Variants in ICMT observed in about 807,000 individuals in gnomAD.
ICMT encodes isoprenylcysteine carboxyl methyltransferase, also known as protein-S-isoprenylcysteine O-methyltransferase.
ICMT carries 10 observed loss-of-function variants against 32.2 expected under a neutral mutation model. The ratio of observed to expected loss-of-function variants is 0.31; its 90% CI spans 0.19 to 0.53. The LOEUF (loss-of-function observed/expected upper bound fraction) is 0.53. Ranked by LOEUF, ICMT falls within the 20% of genes least tolerant of loss-of-function variation. ICMT has a pLI of 0.96. For missense variants in ICMT, 265 were observed against 356.9 expected (o/e 0.74, Z 2.07); for synonymous variants, 183 against 158.2 (o/e 1.16, Z -1.18).
chr1:6,231,271 C>T (rs1331744028), intron 4 of ICMT, among the ~76,000 whole-genome samples: 1 of 152,126 alleles, frequency 6.6e-6, no homozygotes, highest in African/African-American at 2.4e-5. Flanking sequence ...CTCACTAACA[C>T]ATGGCCTCGG....
chr1:6,235,798 C>A lies in ICMT; in HGVS notation c.114G>T (p.Leu38=), dbSNP rs1201475036. The A allele has an allele frequency of 2.3e-6, 3 of 1,326,568 alleles. No homozygotes were observed. Among genetic ancestry groups the A allele is most frequent in the African/African-American group, 1.6e-5 (1 of 64,466 alleles). The allele number at this position is 1,326,568 out of a possible 1,614,324, so 82.2% of individuals were successfully genotyped here. The part of the protein sequence containing the change: ...LALPLLTRAG[L]QGRTGLALYV... ...AGAGCGCCAGCCCGGTGCGGCCCTGCAGGCCGGCGCGCGTGAGCAGCGGCA... is the reference window on the plus strand; with the variant it reads ...AGAGCGCCAGCCCGGTGCGGCCCTGAAGGCCGGCGCGCGTGAGCAGCGGCA... Residue 38 remains leucine (L), a synonymous_variant, in exon 1 of 5, where the codon CTG becomes CTT. Transcript: ENST00000343813.
chr1:6,229,709 T>C (rs1001309922), intron 4 of ICMT, among the ~76,000 whole-genome samples: 26 of 151,170 alleles, frequency 1.7e-4, no homozygotes, highest in Non-Finnish European at 3.5e-4. Context: ...ACCATGATCA[T>C]GCCAATGCAC....
chr1:6,228,120 C>T (rs896513014), intron 4 of ICMT, among the ~76,000 whole-genome samples: 1 of 152,144 alleles, frequency 6.6e-6, no homozygotes, highest in Non-Finnish European at 1.5e-5. Context: ...GGCAACACAG[C>T]GAGATCTCAT....
At chr1:6,228,558 G>A (rs973586142) in intron 4 of ICMT, among the ~76,000 whole-genome samples, 2 of 151,830 alleles carry the variant, frequency 1.3e-5, no homozygotes, top group African/African-American at 4.8e-5. Flanking sequence ...TAGCCAGGAT[G>A]GTCTTGATCT....
intron 3 of ICMT, 52 bp downstream of exon 3, chr1:6,233,422 T>G: frequency 6.5e-7 from 1 of 1,543,450 alleles, no homozygotes; most frequent in Non-Finnish European, 8.8e-7. Context: ...GTCCTCAGCC[T>G]GAATGGGAGC....
rs982118287 is a variant in ICMT at position 6,233,767 on chromosome 1, G to A, written c.285-124C>T. On this transcript the variant is annotated intron_variant, in intron 2 of 4. Transcript: ENST00000343813. ...CCCTGTTCTCACCTGTCTGAGAGTG[G>A]ACACAGGTACCCATCTGCAGCATCT... 6 of 718,294 alleles carry A rather than the reference G, an allele frequency of 8.4e-6. No homozygotes were observed. In the African/African-American group the frequency reaches 9.0e-5, roughly 11 times the overall value. The allele number at this position is 718,294 out of a possible 1,614,324, so 44.5% of individuals were successfully genotyped here. A position where few individuals can be genotyped will look rare whatever the true frequency, so the allele number is the denominator to read the frequency against.
chr1:6,230,899 A>T (rs1668725034), intron 4 of ICMT, among the ~76,000 whole-genome samples: 1 of 148,542 alleles, frequency 6.7e-6, no homozygotes, highest in African/African-American at 2.6e-5. Context: ...TCCATCTCAA[A>T]AAGGAAAAAA....
rs531650727 is a variant in ICMT at position 6,226,499 on chromosome 1, C to G, written c.673-1237G>C. On this transcript the variant is annotated intron_variant, in intron 4 of 4. Coordinates refer to ENST00000343813, the MANE Select transcript of ICMT (RefSeq NM_012405.4). ...GGAACCACTCACCTACACCTGCCCA[C>G]TGGTCCCCTGTGGATGTGCATCTTC... is the stretch of plus-strand genomic sequence containing the variant. 3.9e-5 allele frequency among the ~76,000 whole-genome samples: 6 copies of G among 152,346 alleles called. No homozygotes were observed. The East Asian group carries it at 1.2e-3, about 29-fold the overall frequency.
chr1:6,233,339 A>T (rs780638225), intron 3 of ICMT, 135 bp downstream of exon 3: 13 of 741,900 alleles, frequency 1.8e-5, no homozygotes, highest in Non-Finnish European at 2.7e-5. Context: ...CTTTATAAAT[A>T]GCTTAGTGAG....
chr1:6,225,178 T>TTTC lies in ICMT; in HGVS notation c.754_756dup (p.Glu252dup). 1 of 1,614,146 alleles carries TTTC rather than the reference T, an allele frequency of 6.2e-7. No homozygotes were observed. The highest frequency in any genetic ancestry group is 8.5e-7 in the Non-Finnish European group (1 of 1,180,020). ...TCTCCAAAAAAGTGAATTAGTGAGA[T>TTTC]TTCTTCTTCTTCTGTTCGATCGCGG... On this transcript the variant is annotated inframe_insertion, in exon 5 of 5. Coordinates refer to ENST00000343813, the MANE Select transcript of ICMT (RefSeq NM_012405.4).
At chr1:6,228,443 C>T (rs1440722862) in intron 4 of ICMT, among the ~76,000 whole-genome samples, 1 of 150,932 alleles carries the variant, frequency 6.6e-6, no homozygotes, top group Non-Finnish European at 1.5e-5. Flanking sequence ...CCCGGGTTCA[C>T]GCCATTCTCC....
intron 4 of ICMT, among the ~76,000 whole-genome samples, chr1:6,226,017 G>C (rs1286728258): frequency 6.6e-6 from 1 of 152,054 alleles, no homozygotes; most frequent in Non-Finnish European, 1.5e-5. Flanking sequence ...ACCACACCCA[G>C]CTAATTTTTG....
intron 3 of ICMT, 61 bp from the exon 4 acceptor site, chr1:6,232,180 C>T: frequency 7.4e-6 from 9 of 1,221,372 alleles, no homozygotes; most frequent in South Asian, 1.3e-5. Flanking sequence ...AGCTCCCCTT[C>T]GCACTGCTTA....
intron 2 of ICMT, chr1:6,234,393 A>G (rs1017356096): frequency 2.3e-6 from 1 of 436,030 alleles, no homozygotes; most frequent in Non-Finnish European, 4.5e-6. Context: ...AAGAGGAGAT[A>G]AAACTTTTTA....
At position 6,235,737 on chromosome 1, in the gene ICMT, A is replaced by G; in HGVS notation, c.175T>C (p.Tyr59His). 2 of 1,312,542 alleles carry G rather than the reference A, an allele frequency of 1.5e-6. No individual in the cohort carries two copies. The highest frequency in any genetic ancestry group is 2.0e-6 in the Non-Finnish European group (2 of 1,021,376). The allele number at this position is 1,312,542 out of a possible 1,614,324, so 81.3% of individuals were successfully genotyped here. The change falls in exon 1 of 5, where the codon TAT (tyrosine) becomes CAT (histidine). Residue 59 changes from tyrosine to histidine, a missense_variant. Coordinates refer to ENST00000343813, the MANE Select transcript of ICMT (RefSeq NM_012405.4). Reference sequence around the variant, plus strand: ...TGCACCTGGTAGCGAGGCGGCCGATAGAGCAGCAGCAGCAGCGCGTTGAGC... The same window carrying G: ...TGCACCTGGTAGCGAGGCGGCCGATGGAGCAGCAGCAGCAGCGCGTTGAGC... ...AGLNALLLLLYRPPRYQIAIR... is the reference protein window; with the variant it reads ...AGLNALLLLLHRPPRYQIAIR...
At chr1:6,233,708 C>T in intron 2 of ICMT, 65 bp from the exon 3 acceptor site, 1 of 1,372,612 alleles carries the variant, frequency 7.3e-7, no homozygotes, top group East Asian at 2.3e-5. Flanking sequence ...AAGTGCACAT[C>T]TGGGTCTCCT....
Position 6,234,566 on chromosome 1 carries a change from C to T in ICMT, c.284+320G>A, listed in dbSNP as rs1668787240. The T allele has an allele frequency of 6.2e-6, 3 of 487,534 alleles. No individual in the cohort carries two copies. In the Admixed American group the frequency reaches 7.4e-5, roughly 12 times the overall value. 30.2% of individuals were successfully genotyped at this position (487,534 alleles called of 1,614,324 possible). On this transcript the variant is annotated intron_variant, in intron 2 of 4. Transcript: ENST00000343813. ...ATGAAGACAAGCCAGAGCCCTGCCCCTGCCCGCCACCGAGGACCTGCACCC... is the reference window on the plus strand; with the variant it reads ...ATGAAGACAAGCCAGAGCCCTGCCCTTGCCCGCCACCGAGGACCTGCACCC...
rs1006887447 is a variant in ICMT, at chr1:6,233,507, A to C, written c.421T>G (p.Leu141Val). 1 of 1,613,872 alleles carries C rather than the reference A, an allele frequency of 6.2e-7. No individual in the cohort carries two copies. The highest frequency in any genetic ancestry group is 8.5e-7 in the Non-Finnish European group (1 of 1,179,984). The change falls in exon 3 of 5, where the codon TTA becomes GTA. Residue 141 changes from leucine to valine, a missense_variant. This residue lies in a region of ICMT where 166 missense variants were observed against 264.3 expected (regional missense o/e 0.63). Coordinates refer to ENST00000343813, the MANE Select transcript of ICMT (RefSeq NM_012405.4). The part of the protein sequence containing the change: ...EYTVAALSSW[L>V]EFTLENIFWP... ...AAGATATTTTCAAGTGTGAACTCTA[A>C]CCAAGAAGAAAGAGCAGCTACTGTA...
chr1:6,232,162 C>T (rs749046313), intron 3 of ICMT, 43 bp from the exon 4 acceptor site: 1 of 1,446,592 alleles, frequency 6.9e-7, no homozygotes, highest in African/African-American at 1.4e-5. Context: ...AGTGAAAACA[C>T]TGGCCTGAGC....
Sources: gnomAD v4.1 joint callset for allele counts (sites outside exome capture counted in the v4.1 genomes callset) on GRCh38, gnomAD v4.1.1 for gene constraint, gnomAD v4.1.1 regional missense constraint, MANE v1.5 for transcripts, NCBI Gene and HGNC (gene_info 2026-07-23, HGNC 2026-07-21) for gene names.